Variants in AGBL1 observed in about 807,000 individuals in gnomAD.
AGBL1 encodes the protein AGBL carboxypeptidase 1.
AGBL1 carries 130 observed loss-of-function variants against 118.9 expected under a neutral mutation model. The ratio of observed to expected loss-of-function variants is 1.09; its 90% CI spans 0.95 to 1.26. The LOEUF is 1.26. AGBL1 is among the 50% of genes most tolerant of loss of function. The pLI, the probability that AGBL1 is intolerant of heterozygous loss-of-function variation, is 0.00. For synonymous variants in AGBL1, 555 were observed against 478.9 expected (o/e 1.16, Z -2.08); for missense variants, 1,584 against 1,298.1 (o/e 1.22, Z -3.38).
chr15:86,265,275 C>CA (rs1368686168), intron 11 of AGBL1, among the ~76,000 whole-genome samples: 15 of 152,130 alleles, frequency 9.9e-5, no homozygotes, highest in Non-Finnish European at 1.5e-4. Flanking sequence ...GGTGTGCCTC[C>CA]ATTCCACAGC....
intron 21 of AGBL1, among the ~76,000 whole-genome samples, chr15:86,672,208 A>T (rs2085758673): frequency 6.6e-6 from 1 of 152,246 alleles, no homozygotes; most frequent in Non-Finnish European, 1.5e-5. Context: ...TCCACAGCCA[A>T]TGAAGTGGTA....
Position 86,596,631 on chromosome 15 carries a change from T to G in AGBL1, c.2994+42094T>G, listed in dbSNP as rs140495352. On this transcript the variant is annotated intron_variant, in intron 21 of 22. Coordinates refer to ENST00000614907, the MANE Select transcript of AGBL1 (RefSeq NM_001386094.1). ...CAGAGATATACTTGGCTAACAACTA[T>G]ATTCAAGTCATCATTCAACTTTCAT... Among the ~76,000 whole-genome samples the G allele has an allele frequency of 1.5e-3, 223 of 152,208 alleles. 1 individual carries two copies. The South Asian group carries it at 0.019, about 13-fold the overall frequency.
At chr15:86,419,151 A>G (rs533129939) in intron 18 of AGBL1, among the ~76,000 whole-genome samples, 1 of 151,782 alleles carries the variant, frequency 6.6e-6, no homozygotes, top group African/African-American at 2.4e-5. Context: ...AAACGGCAAA[A>G]TTTGGGGGGT....
At chr15:86,933,675 G>A (rs748797428) in intron 23 of AGBL1, among the ~76,000 whole-genome samples, 40 of 152,248 alleles carry the variant, frequency 2.6e-4, no homozygotes, top group Non-Finnish European at 1.3e-4. Context: ...CAATGATCAC[G>A]TTTTATCTGC....
At chr15:86,281,928 C>T (rs751612021) in intron 16 of AGBL1, among the ~76,000 whole-genome samples, 5 of 152,040 alleles carry the variant, frequency 3.3e-5, no homozygotes, top group South Asian at 2.1e-4. Flanking sequence ...TGCTGAGTGC[C>T]GTGGATGTGG....
intron 17 of AGBL1, among the ~76,000 whole-genome samples, chr15:86,364,045 A>G (rs1383274004): frequency 2.6e-5 from 4 of 152,104 alleles, no homozygotes; most frequent in African/African-American, 9.7e-5. Flanking sequence ...GATGCCTATT[A>G]TCTCTCCTCT....
intron 21 of AGBL1, among the ~76,000 whole-genome samples, chr15:86,618,627 C>T (rs1324054661): frequency 6.6e-6 from 1 of 152,140 alleles, no homozygotes; most frequent in East Asian, 1.9e-4. Flanking sequence ...ATGTATAGTG[C>T]TAATAATTCT....
At chr15:86,755,126 C>G (rs1348760129) in intron 22 of AGBL1, among the ~76,000 whole-genome samples, 1 of 152,182 alleles carries the variant, frequency 6.6e-6, no homozygotes, top group South Asian at 2.1e-4. Context: ...TTTCATACTA[C>G]TTTCATACTT....
At chr15:86,555,652 G>A (rs952033185) in intron 21 of AGBL1, among the ~76,000 whole-genome samples, 5 of 152,136 alleles carry the variant, frequency 3.3e-5, no homozygotes, top group African/African-American at 1.2e-4. Flanking sequence ...AATAAGAAGA[G>A]CTGAAATCAT....
At chr15:86,101,902 T>C (rs1262466158) in intron 1 of AGBL1, among the ~76,000 whole-genome samples, 1 of 152,244 alleles carries the variant, frequency 6.6e-6, no homozygotes, top group Non-Finnish European at 1.5e-5. Context: ...GGCTTATTCC[T>C]GTCATTTTAT....
chr15:86,784,807 A>C (rs1423193998), intron 22 of AGBL1, among the ~76,000 whole-genome samples: 2 of 152,164 alleles, frequency 1.3e-5, no homozygotes, highest in African/African-American at 2.4e-5. Context: ...CCTACAAGGC[A>C]TTAGGTTCTT....
chr15:86,668,518 G>A lies in AGBL1; in HGVS notation c.2995-5755G>A, dbSNP rs116761253. Among the ~76,000 whole-genome samples the A allele has an allele frequency of 6.8e-3, 1,030 of 152,082 alleles. 8 individuals carry two copies. The highest frequency in any genetic ancestry group is 0.021 in the East Asian group (107 of 5,160). ...CAGTAAATCTATTTCACAAAAAGAC[G>A]TTTTTTTGGTATCTTCAGAGTGGCC... On this transcript the variant is annotated intron_variant, in intron 21 of 22. Coordinates refer to ENST00000614907, the MANE Select transcript of AGBL1 (RefSeq NM_001386094.1).
intron 15 of AGBL1, among the ~76,000 whole-genome samples, chr15:86,275,500 C>G (rs568600311): frequency 1.3e-5 from 2 of 152,336 alleles, no homozygotes; most frequent in Admixed American, 1.3e-4. Flanking sequence ...CATTCTCCAT[C>G]ATGGCATTTG....
intron 22 of AGBL1, among the ~76,000 whole-genome samples, chr15:86,758,991 A>T (rs1185944305): frequency 6.6e-6 from 1 of 151,624 alleles, no homozygotes; most frequent in East Asian, 1.9e-4. Context: ...AAAAGAAAAA[A>T]AAAAGAAAAG....
intron 1 of AGBL1, among the ~76,000 whole-genome samples, chr15:86,131,776 C>T (rs1407025464): frequency 1.3e-5 from 2 of 151,772 alleles, no homozygotes; most frequent in Non-Finnish European, 2.9e-5. Flanking sequence ...TGGTGGAAAT[C>T]CTGTCTCTAC....
chr15:86,827,744 A>T (rs967374732), intron 22 of AGBL1, among the ~76,000 whole-genome samples: 1 of 146,538 alleles, frequency 6.8e-6, no homozygotes, highest in Non-Finnish European at 1.5e-5. Context: ...ACCACCAAAG[A>T]TGTGCAATTA....
intron 22 of AGBL1, among the ~76,000 whole-genome samples, chr15:86,674,805 C>T (rs950136341): frequency 6.6e-6 from 1 of 152,088 alleles, no homozygotes; most frequent in African/African-American, 2.4e-5. Flanking sequence ...CAATGGCAAT[C>T]TCATTGACAA....
chr15:86,218,549 A>G (rs2078226846), intron 5 of AGBL1, among the ~76,000 whole-genome samples: 1 of 152,168 alleles, frequency 6.6e-6, no homozygotes, highest in Admixed American at 6.5e-5. Context: ...CCCACAGAAT[A>G]TGGCAAGGTA....
At chr15:86,513,672 C>A (rs2083079947) in intron 18 of AGBL1, among the ~76,000 whole-genome samples, 1 of 151,972 alleles carries the variant, frequency 6.6e-6, no homozygotes, top group Non-Finnish European at 1.5e-5. Context: ...TTTAAGTTTT[C>A]TCTAAATGTA....
Sources: allele counts gnomAD v4.1 joint callset (sites outside exome capture counted in the v4.1 genomes callset), GRCh38; gene constraint gnomAD v4.1.1; transcripts MANE v1.5; gene names NCBI Gene and HGNC (gene_info 2026-07-23, HGNC 2026-07-21).